LEKR1: variants seen among roughly 807,000 people sequenced by gnomAD.
LEKR1 encodes the protein protein LEKR1.
LEKR1 carries 59 observed loss-of-function variants against 72.4 expected under a neutral mutation model. That is an observed-to-expected ratio of 0.82 (90% confidence interval 0.66 to 1.01). The LOEUF (loss-of-function observed/expected upper bound fraction) is 1.01. Ranked by LOEUF, LEKR1 falls within the 50% of genes least tolerant of loss-of-function variation. The pLI is 0.00. For synonymous variants in LEKR1, 257 were observed against 263.2 expected, an observed-to-expected ratio of 0.98 and a Z score of 0.23; for missense variants, 728 against 759.2, an observed-to-expected ratio of 0.96 and a Z score of 0.48.
chr3:157,039,109 A>G (rs576154159), intron 12 of LEKR1, among the ~76,000 whole-genome samples: 1 of 152,348 alleles, frequency 6.6e-6, no homozygotes, highest in South Asian at 2.1e-4. Flanking sequence ...GTGTATCTCT[A>G]CAGGGCTACC....
chr3:156,867,519 C>T (rs1049722242), intron 3 of LEKR1, among the ~76,000 whole-genome samples: 15 of 151,902 alleles, frequency 9.9e-5, no homozygotes, highest in African/African-American at 3.6e-4. Flanking sequence ...TCCCCCTGGC[C>T]AAAATAAACT....
chr3:156,917,001 C>G (rs1723718476), intron 3 of LEKR1, among the ~76,000 whole-genome samples: 1 of 151,962 alleles, frequency 6.6e-6, no homozygotes, highest in Non-Finnish European at 1.5e-5. Context: ...CAAAGAGAAA[C>G]AGAAGCAATG....
At position 156,858,565 on chromosome 3, in the gene LEKR1, T is replaced by G. The variant is rs146870967; in HGVS notation, c.263+5583T>G. Among the ~76,000 whole-genome samples, 482 of 151,738 alleles carry G rather than the reference T, an allele frequency of 3.2e-3. 3 individuals are homozygous for G. Among genetic ancestry groups the G allele is most frequent in the African/African-American group, 0.011 (462 of 41,350 alleles). ...GGAAGACATCTGTAACCCCAGACAC[T>G]TGGGAGGCTGAGGTGGGAGAATCGC... On this transcript the variant is annotated intron_variant, in intron 3 of 12. Coordinates refer to ENST00000356539, the MANE Select transcript of LEKR1 (RefSeq NM_001004316.3).
At chr3:156,977,667 T>G in intron 6 of LEKR1, 1 of 253,156 alleles carries the variant, frequency 4.0e-6, no homozygotes, top group Middle Eastern at 5.0e-4. Context: ...ACCCTACAAA[T>G]GTACATGGGA....
chr3:156,913,676 C>T (rs958988185), intron 3 of LEKR1, among the ~76,000 whole-genome samples: 3 of 152,136 alleles, frequency 2.0e-5, no homozygotes, highest in Non-Finnish European at 4.4e-5. Flanking sequence ...ATAATGGCAT[C>T]ATATCCCCTG....
chr3:156,908,937 C>T (rs1722819416), intron 3 of LEKR1, among the ~76,000 whole-genome samples: 1 of 152,158 alleles, frequency 6.6e-6, no homozygotes, highest in African/African-American at 2.4e-5. Context: ...TTGTAGCTCC[C>T]ATAATTCCCA....
chr3:157,003,199 C>T (rs961727730), intron 9 of LEKR1, among the ~76,000 whole-genome samples: 2 of 152,194 alleles, frequency 1.3e-5, no homozygotes, highest in Non-Finnish European at 2.9e-5. Context: ...CATGACTAGA[C>T]ACATTTATTC....
chr3:156,943,910 C>T (rs1212094903), intron 6 of LEKR1, among the ~76,000 whole-genome samples: 1 of 151,606 alleles, frequency 6.6e-6, no homozygotes, highest in Admixed American at 6.6e-5. Context: ...TATTTTCTTT[C>T]CTGAGAACTA....
rs767163001 is a variant in LEKR1, at chr3:156,936,467, C to CACACACACACACACACACACACA, written c.560-6062_560-6061insACACACACACACACACACACACA. 6.3e-4 allele frequency among the ~76,000 whole-genome samples: 44 copies of CACACACACACACACACACACACA among 70,152 alleles called. 1 individual carries two copies. The highest frequency in any genetic ancestry group is 1.4e-3 in the African/African-American group (43 of 31,626). 46.0% of individuals were successfully genotyped at this position (70,152 alleles called of 152,430 possible). A position where few individuals can be genotyped will look rare whatever the true frequency, so the allele number is the denominator to read the frequency against. ...CACACACACACACACACACACACACCCCCCGTATGCCTAGCAGAATAAGGA... is the reference window on the plus strand; with the variant it reads ...CACACACACACACACACACACACACCACACACACACACACACACACACACCCCGTATGCCTAGCAGAATAAGGA... On this transcript the variant is annotated intron_variant, in intron 5 of 12. Transcript: ENST00000356539.
intron 2 of LEKR1, among the ~76,000 whole-genome samples, chr3:156,839,573 G>A (rs114019414): frequency 0.017 from 2,518 of 152,286 alleles, 71 homozygotes; most frequent in African/African-American, 0.056. Flanking sequence ...AGGGTTTCAA[G>A]ATACTAATCT....
At chr3:156,975,294 T>C (rs1379339323) in intron 6 of LEKR1, among the ~76,000 whole-genome samples, 1 of 152,108 alleles carries the variant, frequency 6.6e-6, no homozygotes, top group Non-Finnish European at 1.5e-5. Context: ...GCCTTCTATT[T>C]TACATTAAAA....
intron 4 of LEKR1, chr3:156,924,535 C>A: frequency 1.5e-6 from 1 of 672,972 alleles, no homozygotes; most frequent in Admixed American, 2.1e-5. Context: ...CTGTCTAAGC[C>A]GGTCAGAAGG....
intron 3 of LEKR1, among the ~76,000 whole-genome samples, chr3:156,876,011 A>G (rs6771452): frequency 0.027 from 4,039 of 151,136 alleles, 204 homozygotes; most frequent in African/African-American, 0.094. Flanking sequence ...AAAAAAAAAA[A>G]AAAAAGAAAT....
intron 4 of LEKR1, among the ~76,000 whole-genome samples, chr3:156,926,762 AC>A (rs1724754343): frequency 6.6e-6 from 1 of 151,906 alleles, no homozygotes; most frequent in East Asian, 1.9e-4. Context: ...GATAGATATA[AC>A]CTCTGCCTTA....
intron 6 of LEKR1, among the ~76,000 whole-genome samples, chr3:156,975,093 A>G (rs1487407660): frequency 1.3e-5 from 2 of 152,160 alleles, no homozygotes; most frequent in East Asian, 1.9e-4. Context: ...ACAGTCCTGT[A>G]TGATAGTGAC....
At chr3:157,008,816 A>T (rs922875455) in intron 9 of LEKR1, among the ~76,000 whole-genome samples, 1 of 152,182 alleles carries the variant, frequency 6.6e-6, no homozygotes, top group Non-Finnish European at 1.5e-5. Context: ...TTTGTGCTCA[A>T]TATTATGTTC....
rs534456137 is a variant in LEKR1 at position 157,009,220 on chromosome 3, A to G, written c.1110-2193A>G. 9.2e-5 allele frequency among the ~76,000 whole-genome samples: 14 copies of G among 152,256 alleles called. No individual in the cohort carries two copies. In the South Asian group the frequency reaches 2.9e-3, roughly 31 times the overall value. ...ATAAAAATAAGTAAAATCAATTTTAATAATTTATTTAACTCAAACTATCCA... is the reference window on the plus strand; with the variant it reads ...ATAAAAATAAGTAAAATCAATTTTAGTAATTTATTTAACTCAAACTATCCA... On this transcript the variant is annotated intron_variant, in intron 9 of 12. Transcript: ENST00000356539.
At chr3:157,010,431 A>T (rs1327879139) in intron 9 of LEKR1, among the ~76,000 whole-genome samples, 1 of 152,062 alleles carries the variant, frequency 6.6e-6, no homozygotes, top group Non-Finnish European at 1.5e-5. Flanking sequence ...ATCATAGGAG[A>T]TGATGTTTAT....
At chr3:156,987,948 C>G (rs993482234) in intron 7 of LEKR1, among the ~76,000 whole-genome samples, 2 of 152,158 alleles carry the variant, frequency 1.3e-5, no homozygotes, top group Non-Finnish European at 1.5e-5. Context: ...AGTAATCTGG[C>G]CTTTCAGGTA....
Sources: gnomAD v4.1 joint callset for allele counts (sites outside exome capture counted in the v4.1 genomes callset) on GRCh38, gnomAD v4.1.1 for gene constraint, MANE v1.5 for transcripts, NCBI Gene and HGNC (gene_info 2026-07-23, HGNC 2026-07-21) for gene names.